RAB27A: variants seen among roughly 807,000 people sequenced by gnomAD.
RAB27A encodes the protein RAB27A, member RAS oncogene family.
RAB27A carries 17 observed loss-of-function variants against 20.8 expected under a neutral mutation model. That is an observed-to-expected ratio of 0.82 (90% confidence interval 0.56 to 1.23). The LOEUF (loss-of-function observed/expected upper bound fraction) is 1.23. Ranked by LOEUF, RAB27A falls within the 50% of genes most tolerant of loss-of-function variation. The pLI is 0.00. For missense variants in RAB27A, 277 were observed against 266.7 expected (o/e 1.04, Z -0.27); for synonymous variants, 85 against 92.8 (o/e 0.92, Z 0.48).
chr15:55,222,671 A>G (rs1382872429), intron 6 of RAB27A, among the ~76,000 whole-genome samples: 1 of 152,070 alleles, frequency 6.6e-6, no homozygotes, highest in South Asian at 2.1e-4. Context: ...TCCATCAACC[A>G]AAGAAAGAAT....
intron 3 of RAB27A, 62 bp downstream of exon 3, chr15:55,234,720 A>C: frequency 6.5e-7 from 1 of 1,530,720 alleles, no homozygotes; most frequent in South Asian, 1.1e-5. Flanking sequence ...AAAGTAAACT[A>C]AACAGACCAG....
Position 55,205,559 on chromosome 15 carries a change from G to C in RAB27A, c.614C>G (p.Ala205Gly). The C allele has an allele frequency of 6.2e-7, 1 of 1,614,124 alleles. No individual in the cohort carries two copies. ...PEGVVRSNGH[A>G]STDQLSEEKE... ...TTCTTCACTTAACTGATCCGTAGAG[G>C]CATGACCATTTGATCGCACCACTCC... Residue 205 changes from alanine to glycine, a missense_variant, in exon 7 of 7, where the codon GCC becomes GGC. Transcript: ENST00000336787.
At chr15:55,211,516 T>C (rs993905553) in intron 6 of RAB27A, among the ~76,000 whole-genome samples, 2 of 152,216 alleles carry the variant, frequency 1.3e-5, no homozygotes, top group South Asian at 2.1e-4. Context: ...TTTGCAGCTA[T>C]TGTAAATGAG....
At chr15:55,212,695 A>C (rs1234319821) in intron 6 of RAB27A, among the ~76,000 whole-genome samples, 1 of 151,890 alleles carries the variant, frequency 6.6e-6, no homozygotes, top group Non-Finnish European at 1.5e-5. Flanking sequence ...ACGCCCGTTT[A>C]ATTTTTTGTA....
Position 55,205,539 on chromosome 15 carries a change from C to G in RAB27A, c.634G>C (p.Glu212Gln). The change falls in exon 7 of 7, where the codon GAA (glutamate) becomes CAA (glutamine). Residue 212 changes from glutamate to glutamine, a missense_variant. Physicochemically the swap from Glu to Gln is conservative, Grantham distance 29. Coordinates refer to ENST00000336787, the MANE Select transcript of RAB27A (RefSeq NM_183235.3). ...NGHASTDQLS[E>Q]EKEKGACGC ...CCACATGCCCCTTTCTCCTTTTCTT[C>G]ACTTAACTGATCCGTAGAGGCATGA... is the stretch of plus-strand genomic sequence containing the variant. The G allele has an allele frequency of 6.2e-7, 1 of 1,614,180 alleles. No individual in the cohort carries two copies. Among genetic ancestry groups the G allele is most frequent in the Non-Finnish European group, 8.5e-7 (1 of 1,180,032 alleles).
intron 2 of RAB27A, among the ~76,000 whole-genome samples, chr15:55,302,483 G>A (rs1443716194): frequency 6.6e-6 from 1 of 152,062 alleles, no homozygotes; most frequent in Non-Finnish European, 1.5e-5. Context: ...GGCAGCCTCT[G>A]CCCGGCCGCC....
intron 5 of RAB27A, 139 bp from the exon 6 acceptor site, chr15:55,224,151 A>AT: frequency 1.5e-6 from 1 of 672,864 alleles, no homozygotes; most frequent in Non-Finnish European, 2.5e-6. Flanking sequence ...TCAAAGCATC[A>AT]GTAATCTTAT....
intron 2 of RAB27A, among the ~76,000 whole-genome samples, chr15:55,246,884 C>T (rs577128380): frequency 6.6e-6 from 1 of 151,976 alleles, no homozygotes; most frequent in Non-Finnish European, 1.5e-5. Context: ...TTTTTGTGAG[C>T]ACATAGAAGA....
intron 2 of RAB27A, among the ~76,000 whole-genome samples, chr15:55,296,922 C>G (rs983941719): frequency 6.6e-6 from 1 of 151,820 alleles, no homozygotes; most frequent in Non-Finnish European, 1.5e-5. Context: ...AGGGTTGGGC[C>G]CATATCCCAG....
chr15:55,240,912 A>C (rs891702382), intron 2 of RAB27A, among the ~76,000 whole-genome samples: 4 of 152,222 alleles, frequency 2.6e-5, no homozygotes, highest in Non-Finnish European at 5.9e-5. Context: ...AGCAAGGTCA[A>C]GAATGCATCA....
chr15:55,256,949 A>G (rs62018091), intron 2 of RAB27A, among the ~76,000 whole-genome samples: 20 of 152,016 alleles, frequency 1.3e-4, no homozygotes, highest in Non-Finnish European at 1.8e-4. Context: ...TCACTCCTTG[A>G]AGATGAGAGC....
intron 2 of RAB27A, among the ~76,000 whole-genome samples, chr15:55,262,436 G>A (rs1167382390): frequency 6.6e-6 from 1 of 151,524 alleles, no homozygotes; most frequent in Admixed American, 6.6e-5. Context: ...CAGGTACTCG[G>A]GAGGCTGAGG....
intron 2 of RAB27A, among the ~76,000 whole-genome samples, chr15:55,298,588 A>G (rs1232409111): frequency 6.6e-6 from 1 of 152,208 alleles, no homozygotes; most frequent in Non-Finnish European, 1.5e-5. Context: ...TTCAGGCACC[A>G]GTGTCACTGA....
intron 1 of RAB27A, among the ~76,000 whole-genome samples, chr15:55,283,846 TTAAC>T (rs1303857964): frequency 1.3e-5 from 2 of 152,190 alleles, no homozygotes; most frequent in Non-Finnish European, 2.9e-5. Context: ...ATTATTGTGT[TTAAC>T]TAGCTGATTT....
intron 2 of RAB27A, among the ~76,000 whole-genome samples, chr15:55,303,987 C>T (rs1348452298): frequency 6.6e-6 from 1 of 150,424 alleles, no homozygotes; most frequent in East Asian, 2.0e-4. Context: ...TGAGAACAGG[C>T]CAGGATGACA....
chr15:55,274,794 T>TTATATATACA (rs1555399455), intron 1 of RAB27A, among the ~76,000 whole-genome samples: 1 of 52,172 alleles, frequency 1.9e-5, no homozygotes, highest in East Asian at 3.6e-4. Flanking sequence ...AATAAATAAA[T>TTATATATACA]TATATATATA....
rs1415754642 is a variant in RAB27A at position 55,223,918 on chromosome 15, C to T, written c.438G>A (p.Glu146=). 2 of 1,613,722 alleles carry T rather than the reference C, an allele frequency of 1.2e-6. No individual in the cohort carries two copies. The highest frequency in any genetic ancestry group is 2.7e-5 in the African/African-American group (2 of 74,908). The change falls in exon 6 of 7, where the codon GAG becomes GAA. Residue 146 remains glutamate (E), a synonymous_variant. Transcript: ENST00000336787. Reference sequence around the variant, plus strand: ...ATTTCTCTGCGAGTGCTATGGCTTCCTCCTCTTTCACTACTCTCTGGTCCT... The same window carrying T: ...ATTTCTCTGCGAGTGCTATGGCTTCTTCCTCTTTCACTACTCTCTGGTCCT... ...DLEDQRVVKE[E]EAIALAEKYG...
At chr15:55,226,060 T>C (rs915257100) in intron 5 of RAB27A, among the ~76,000 whole-genome samples, 4 of 152,200 alleles carry the variant, frequency 2.6e-5, no homozygotes, top group African/African-American at 4.8e-5. Flanking sequence ...AGTAAAAATA[T>C]GTAAAATATA....
chr15:55,208,964 T>A (rs932168740), intron 6 of RAB27A, among the ~76,000 whole-genome samples: 2 of 152,232 alleles, frequency 1.3e-5, no homozygotes, highest in Non-Finnish European at 2.9e-5. Flanking sequence ...GAGAATGGAA[T>A]CAGCAAGGAA....
Sources: gnomAD v4.1 joint callset for allele counts (sites outside exome capture counted in the v4.1 genomes callset) on GRCh38, gnomAD v4.1.1 for gene constraint, MANE v1.5 for transcripts, NCBI Gene and HGNC (gene_info 2026-07-23, HGNC 2026-07-21) for gene names.